Variants in KIAA0232 observed in about 807,000 individuals in gnomAD.
KIAA0232 encodes KIAA0232.
KIAA0232 carries 27 observed loss-of-function variants against 122.0 expected under a neutral mutation model. That is an observed-to-expected ratio of 0.22 (90% CI 0.16 to 0.31). KIAA0232 has a LOEUF of 0.31. KIAA0232 is among the 10% of genes least tolerant of loss of function. The pLI is 1.00. For missense variants in KIAA0232, 1,551 were observed against 1,634.2 expected (o/e 0.95, Z 0.88); for synonymous variants, 613 against 587.6 (o/e 1.04, Z -0.63).
chr4:6,786,008 C>G (rs1468248559), intron 1 of KIAA0232, among the ~76,000 whole-genome samples: 2 of 152,188 alleles, frequency 1.3e-5, no homozygotes. Context: ...TTTGGAAGTC[C>G]TATTACAATG....
rs552229020 is a variant in KIAA0232 at position 6,866,687 on chromosome 4, G to A, written c.3801+2504G>A. 1.8e-4 allele frequency among the ~76,000 whole-genome samples: 27 copies of A among 152,292 alleles called. No individual in the cohort carries two copies. In the South Asian group the frequency reaches 3.1e-3, roughly 18 times the overall value. ...TAGATGATGAAAATGTAGGATTTCC[G>A]ATAGAACTGGTGTCTAAGAGCATGA... On this transcript the variant is annotated intron_variant, in intron 7 of 9. Coordinates refer to ENST00000307659, the MANE Select transcript of KIAA0232 (RefSeq NM_014743.3).
chr4:6,819,991 C>T (rs375169139), intron 2 of KIAA0232, among the ~76,000 whole-genome samples: 9 of 152,124 alleles, frequency 5.9e-5, no homozygotes, highest in East Asian at 3.9e-4. Flanking sequence ...AGTGAATTAA[C>T]GTAGGAACAG....
In KIAA0232 at chr4:6,862,079, T is replaced by C; in HGVS notation, c.1697T>C (p.Ile566Thr). 1 of 1,614,156 alleles carries C rather than the reference T, an allele frequency of 6.2e-7. No homozygotes were observed. Among genetic ancestry groups the C allele is most frequent in the Non-Finnish European group, 8.5e-7 (1 of 1,180,016 alleles). ...DGMELQGERA[I>T]WTDSTSSVGA... ...ATGGAGTTGCAAGGGGAACGTGCAA[T>C]ATGGACAGATTCTACCAGCTCCGTA... The change falls in exon 7 of 10, where the codon ATA becomes ACA. Residue 566 changes from isoleucine (I) to threonine (T), a missense_variant. Ile to Thr is a moderately conservative substitution (Grantham distance 89). Coordinates refer to ENST00000307659, the MANE Select transcript of KIAA0232 (RefSeq NM_014743.3).
intron 1 of KIAA0232, among the ~76,000 whole-genome samples, chr4:6,795,537 A>C (rs1176117686): frequency 6.6e-6 from 1 of 151,906 alleles, no homozygotes; most frequent in African/African-American, 2.4e-5. Context: ...ATACTGGGTT[A>C]AATCAAACAT....
chr4:6,815,652 T>C (rs1718084955), intron 2 of KIAA0232, among the ~76,000 whole-genome samples: 1 of 152,172 alleles, frequency 6.6e-6, no homozygotes, highest in Non-Finnish European at 1.5e-5. Flanking sequence ...GAATGTAGAG[T>C]AGTCTGAAGC....
chr4:6,824,360 A>G lies in KIAA0232; in HGVS notation c.-94A>G, dbSNP rs1718568623. The G allele has an allele frequency of 3.9e-6, 4 of 1,025,004 alleles. No individual in the cohort carries two copies. The highest frequency in any genetic ancestry group is 6.2e-6 in the Non-Finnish European group (4 of 648,588). The allele number at this position is 1,025,004 out of a possible 1,614,324, so 63.5% of individuals were successfully genotyped here. On this transcript the variant is annotated 5_prime_UTR_variant, in exon 3 of 10. Transcript: ENST00000307659. ...CTTATCCTACATGTCAAGCATCTCT[A>G]CTTTTTACTGGAGTGAAAATCCCCT... is the stretch of plus-strand genomic sequence containing the variant.
rs373793407 is a variant in KIAA0232 at position 6,843,927 on chromosome 4, C to CTTTTTTT, written c.369+1749_369+1755dup. Among the ~76,000 whole-genome samples, 115 of 46,360 alleles carry CTTTTTTT rather than the reference C, an allele frequency of 2.5e-3. 20 individuals are homozygous for CTTTTTTT. Among genetic ancestry groups the CTTTTTTT allele is most frequent in the African/African-American group, 3.7e-3 (54 of 14,670 alleles). 30.4% of individuals were successfully genotyped at this position (46,360 alleles called of 152,430 possible). A position where few individuals can be genotyped will look rare whatever the true frequency, so the allele number is the denominator to read the frequency against. On this transcript the variant is annotated intron_variant, in intron 4 of 9. Coordinates refer to ENST00000307659, the MANE Select transcript of KIAA0232 (RefSeq NM_014743.3). ...GGCGCAAGGACCGTGAGTTACCCAT[C>CTTTTTTT]TTTTTTTTTTTTTTTTTTTTTTTTT... is the stretch of plus-strand genomic sequence containing the variant.
intron 7 of KIAA0232, among the ~76,000 whole-genome samples, chr4:6,864,650 A>G (rs899137449): frequency 6.0e-5 from 9 of 150,272 alleles, no homozygotes; most frequent in African/African-American, 2.2e-4. Flanking sequence ...GAGGCAGGAG[A>G]ATCACTTGAA....
intron 7 of KIAA0232, among the ~76,000 whole-genome samples, chr4:6,867,761 C>T (rs769750365): frequency 4.6e-5 from 7 of 152,190 alleles, no homozygotes; most frequent in Non-Finnish European, 7.3e-5. Flanking sequence ...CACCACTATC[C>T]TACTGGATGC....
In KIAA0232 at chr4:6,881,857, A is replaced by G. The variant is rs1028010993; in HGVS notation, c.*891A>G. Reference sequence around the variant, plus strand: ...AAACTTGAAATTGTGAACATTTGACATGCAGTAAAGGCCACCTCATCACCC... The same window carrying G: ...AAACTTGAAATTGTGAACATTTGACGTGCAGTAAAGGCCACCTCATCACCC... On this transcript the variant is annotated 3_prime_UTR_variant, in exon 10 of 10. Coordinates refer to ENST00000307659, the MANE Select transcript of KIAA0232 (RefSeq NM_014743.3). 1.3e-5 allele frequency: 2 copies of G among 152,680 alleles called. No homozygotes were observed. Among genetic ancestry groups the G allele is most frequent in the Non-Finnish European group, 2.9e-5 (2 of 68,046 alleles). The allele number at this position is 152,680 out of a possible 1,614,324, so 9.5% of individuals were successfully genotyped here.
At chr4:6,835,643 G>C (rs753486780) in intron 3 of KIAA0232, among the ~76,000 whole-genome samples, 3 of 151,942 alleles carry the variant, frequency 2.0e-5, no homozygotes, top group African/African-American at 7.3e-5. Flanking sequence ...ACAGGCCCCC[G>C]GTGTGTGATG....
chr4:6,844,392 T>TC (rs1474226879), intron 4 of KIAA0232, among the ~76,000 whole-genome samples: 1 of 152,092 alleles, frequency 6.6e-6, no homozygotes, highest in Non-Finnish European at 1.5e-5. Flanking sequence ...TGTTTTCTTC[T>TC]CCCCCACCTC....
intron 4 of KIAA0232, among the ~76,000 whole-genome samples, chr4:6,850,276 G>A (rs1448143196): frequency 6.6e-6 from 1 of 152,148 alleles, no homozygotes; most frequent in African/African-American, 2.4e-5. Context: ...GCCAGGTGTT[G>A]GGGGCACAGC....
rs77545529 is a variant in KIAA0232 at position 6,801,917 on chromosome 4, G to C, written c.-353-2606G>C. ...GTATACATGCCACCATTACCTTCCA[G>C]ATAAAGTTTGTATCCCTCACTGTGT... On this transcript the variant is annotated intron_variant, in intron 1 of 9. Transcript: ENST00000307659. Among the ~76,000 whole-genome samples, 49 of 152,230 alleles carry C rather than the reference G, an allele frequency of 3.2e-4. 1 individual carries two copies. In the East Asian group the frequency reaches 5.0e-3, roughly 16 times the overall value.
intron 1 of KIAA0232, among the ~76,000 whole-genome samples, chr4:6,802,935 A>G (rs906169237): frequency 6.7e-6 from 1 of 149,942 alleles, no homozygotes; most frequent in Non-Finnish European, 1.5e-5. Context: ...AGATGGAAGG[A>G]TCACTTGAGG....
intron 3 of KIAA0232, among the ~76,000 whole-genome samples, chr4:6,826,136 T>A (rs1718665978): frequency 1.3e-5 from 2 of 152,152 alleles, no homozygotes; most frequent in South Asian, 4.1e-4. Context: ...GTTTTATACC[T>A]CAGTTGTGCA....
chr4:6,849,471 C>T (rs1041248638), intron 4 of KIAA0232, among the ~76,000 whole-genome samples: 6 of 152,174 alleles, frequency 3.9e-5, no homozygotes, highest in African/African-American at 1.4e-4. Flanking sequence ...TAAAAATTAA[C>T]CGGACGTGGT....
intron 1 of KIAA0232, among the ~76,000 whole-genome samples, chr4:6,784,390 C>T (rs528262848): frequency 2.7e-5 from 4 of 150,762 alleles, no homozygotes; most frequent in African/African-American, 9.8e-5. Context: ...CGTTCCAGAA[C>T]ACTTTGACCA....
At chr4:6,876,793 C>T (rs772839485) in intron 9 of KIAA0232, 36 bp downstream of exon 9, 1 of 1,399,318 alleles carries the variant, frequency 7.1e-7, no homozygotes, top group Non-Finnish European at 1.0e-6. Flanking sequence ...CATTAACTTA[C>T]AAACAGCCAC....
Sources: gnomAD v4.1 joint callset for allele counts (sites outside exome capture counted in the v4.1 genomes callset) on GRCh38, gnomAD v4.1.1 for gene constraint, MANE v1.5 for transcripts, NCBI Gene and HGNC (gene_info 2026-07-23, HGNC 2026-07-21) for gene names.